MSRA: variants seen among roughly 807,000 people sequenced by gnomAD.
The protein encoded by MSRA is methionine sulfoxide reductase A, also known as mitochondrial peptide methionine sulfoxide reductase.
Under a neutral mutation model 31.3 loss-of-function variants are expected in MSRA, and 54 were observed. The observed-to-expected ratio is 1.73, with a 90% CI of 1.39 to 2.17. MSRA has a LOEUF of 2.17. Ranked by LOEUF, MSRA falls within the 30% of genes most tolerant of loss-of-function variation. The pLI is 0.00. For synonymous variants in MSRA, 169 were observed against 116.5 expected (o/e 1.45, Z -2.90); for missense variants, 507 against 300.9 (o/e 1.69, Z -5.07).
chr8:10,300,922 A>G (rs566315864), intron 3 of MSRA, among the ~76,000 whole-genome samples: 1 of 152,252 alleles, frequency 6.6e-6, no homozygotes, highest in South Asian at 2.1e-4. Flanking sequence ...AAGTAGACAT[A>G]TGTCACCATC....
intron 4 of MSRA, among the ~76,000 whole-genome samples, chr8:10,308,756 C>T (rs1182208027): frequency 1.3e-5 from 2 of 152,206 alleles, no homozygotes; most frequent in Non-Finnish European, 2.9e-5. Context: ...TCTTTCTTGC[C>T]TCGCACACTG....
chr8:10,381,368 A>T (rs961987867), intron 5 of MSRA, among the ~76,000 whole-genome samples: 4 of 152,076 alleles, frequency 2.6e-5, no homozygotes, highest in African/African-American at 9.7e-5. Context: ...ATTAGCCAGG[A>T]AGTTTTTGGT....
At chr8:10,190,428 C>T (rs1292167409) in intron 1 of MSRA, among the ~76,000 whole-genome samples, 1 of 152,200 alleles carries the variant, frequency 6.6e-6, no homozygotes, top group Non-Finnish European at 1.5e-5. Flanking sequence ...ACCCCCAGCA[C>T]GTCATGCTGC....
intron 5 of MSRA, among the ~76,000 whole-genome samples, chr8:10,379,732 A>G (rs1012320415): frequency 2.0e-5 from 3 of 152,236 alleles, no homozygotes; most frequent in African/African-American, 7.2e-5. Context: ...ATTCCTAAGT[A>G]TGGGATGGCC....
At chr8:10,359,564 C>A (rs1804715028) in intron 5 of MSRA, among the ~76,000 whole-genome samples, 1 of 152,158 alleles carries the variant, frequency 6.6e-6, no homozygotes, top group Admixed American at 6.5e-5. Context: ...CCTCTTCCTC[C>A]TTCTCCTCCT....
intron 2 of MSRA, among the ~76,000 whole-genome samples, chr8:10,210,401 C>G (rs1470759517): frequency 6.6e-6 from 1 of 152,182 alleles, no homozygotes; most frequent in East Asian, 1.9e-4. Context: ...TCAGGGACAC[C>G]TTTCAGCTGG....
At chr8:10,083,799 T>A (rs1256477704) in intron 1 of MSRA, among the ~76,000 whole-genome samples, 2 of 152,234 alleles carry the variant, frequency 1.3e-5, no homozygotes, top group African/African-American at 4.8e-5. Flanking sequence ...TAATGGCGTC[T>A]GTATTCACGA....
intron 1 of MSRA, among the ~76,000 whole-genome samples, chr8:10,082,692 C>T (rs1478060625): frequency 2.6e-5 from 4 of 152,144 alleles, no homozygotes; most frequent in Non-Finnish European, 5.9e-5. Flanking sequence ...GAAGTGGTGA[C>T]CGGGCTTGAG....
chr8:10,063,710 C>G (rs894438980), intron 1 of MSRA, among the ~76,000 whole-genome samples: 1 of 152,226 alleles, frequency 6.6e-6, no homozygotes, highest in Non-Finnish European at 1.5e-5. Context: ...TGAGAAGGCG[C>G]TGTCCGTGAA....
chr8:10,179,411 C>T (rs1047529071), intron 1 of MSRA, among the ~76,000 whole-genome samples: 3 of 152,198 alleles, frequency 2.0e-5, no homozygotes, highest in Non-Finnish European at 4.4e-5. Flanking sequence ...TCCATGGTTA[C>T]TTTCAGCTCT....
intron 2 of MSRA, among the ~76,000 whole-genome samples, chr8:10,226,849 C>T (rs894267857): frequency 6.6e-6 from 1 of 152,186 alleles, no homozygotes; most frequent in Admixed American, 6.5e-5. Context: ...CAGCCTTGCT[C>T]TCAGGTCCTC....
intron 5 of MSRA, chr8:10,411,628 C>G (rs1305771319): frequency 1.3e-5 from 2 of 152,332 alleles, no homozygotes; most frequent in East Asian, 1.9e-4. Flanking sequence ...CAGATGTAAC[C>G]TGCCCTAGGG....
At chr8:10,068,196 T>G (rs1797558709) in intron 1 of MSRA, among the ~76,000 whole-genome samples, 9 of 152,200 alleles carry the variant, frequency 5.9e-5, no homozygotes, top group Admixed American at 5.9e-4. Context: ...TTGTTGAGTT[T>G]TAAGAGCTCT....
chr8:10,232,098 A>G (rs1268173714), intron 2 of MSRA, among the ~76,000 whole-genome samples: 1 of 152,114 alleles, frequency 6.6e-6, no homozygotes, highest in Non-Finnish European at 1.5e-5. Context: ...ACTTTCTAGG[A>G]TCCCAGGGGT....
At chr8:10,319,791 A>G in intron 4 of MSRA, 92 bp from the exon 5 acceptor site, 1 of 630,078 alleles carries the variant, frequency 1.6e-6, no homozygotes, top group Non-Finnish European at 2.5e-6. Context: ...GACCATATGA[A>G]AAGTGTCAAA....
chr8:10,306,382 A>C (rs1167166655), intron 4 of MSRA, among the ~76,000 whole-genome samples: 2 of 152,176 alleles, frequency 1.3e-5, no homozygotes, highest in Non-Finnish European at 2.9e-5. Flanking sequence ...TCAACACAAC[A>C]ATACAATTCC....
intron 1 of MSRA, among the ~76,000 whole-genome samples, chr8:10,126,766 G>A (rs1406459878): frequency 6.6e-6 from 1 of 152,156 alleles, no homozygotes; most frequent in Non-Finnish European, 1.5e-5. Flanking sequence ...CACTCGCCTT[G>A]GTCTCCCAAA....
At chr8:10,110,438 A>G (rs1800196325) in intron 1 of MSRA, among the ~76,000 whole-genome samples, 1 of 152,214 alleles carries the variant, frequency 6.6e-6, no homozygotes, top group Non-Finnish European at 1.5e-5. Context: ...CCACTGAGTC[A>G]GCCTCACTGC....
intron 1 of MSRA, among the ~76,000 whole-genome samples, chr8:10,122,128 G>C (rs1036046131): frequency 2.0e-5 from 3 of 152,252 alleles, no homozygotes; most frequent in South Asian, 2.1e-4. Flanking sequence ...GGTCTGCAGA[G>C]CTACCCAGCA....
Sources: gnomAD v4.1 joint callset for allele counts (sites outside exome capture counted in the v4.1 genomes callset) on GRCh38, gnomAD v4.1.1 for gene constraint, MANE v1.5 for transcripts, NCBI Gene and HGNC (gene_info 2026-07-23, HGNC 2026-07-21) for gene names.